Variants in NFIC observed in about 807,000 individuals in gnomAD.
NFIC encodes nuclear factor 1 C-type.
A neutral mutation model predicts 54.4 loss-of-function variants in NFIC; 12 were observed. That is an observed-to-expected ratio of 0.22 (90% CI 0.14 to 0.36). NFIC has a LOEUF of 0.36. NFIC is among the 10% of genes least tolerant of loss of function. The probability of loss-of-function intolerance (pLI) is 1.00; values close to 1 mark genes in which losing one functional copy is unlikely to be tolerated. For missense variants in NFIC, 575 were observed against 718.2 expected (o/e 0.80, Z 2.28); for synonymous variants, 322 against 319.2 (o/e 1.01, Z -0.09).
Position 3,429,251 on chromosome 19 carries a change from T to TACACACAC in NFIC, c.634+4075_634+4076insCACACACA, listed in dbSNP as rs1223236383. 1.7e-3 allele frequency among the ~76,000 whole-genome samples: 47 copies of TACACACAC among 27,586 alleles called. 1 individual carries two copies. The highest frequency in any genetic ancestry group is 2.1e-3 in the Non-Finnish European group (30 of 14,366). The allele number at this position is 27,586 out of a possible 152,430, so 18.1% of individuals were successfully genotyped here. A position where few individuals can be genotyped will look rare whatever the true frequency, so the allele number is the denominator to read the frequency against. On this transcript the variant is annotated intron_variant, in intron 3 of 10. Coordinates refer to ENST00000443272, the MANE Select transcript of NFIC (RefSeq NM_001245002.2). Reference sequence around the variant, plus strand: ...TACCCCAAAAAAAAAAAAAAAAATATATACACACACACACACACACACACA... The same window carrying TACACACAC: ...TACCCCAAAAAAAAAAAAAAAAATATACACACACATACACACACACACACACACACACA...
intron 1 of NFIC, chr19:3,371,291 G>A (rs1051254997): frequency 6.6e-6 from 1 of 151,548 alleles, no homozygotes; most frequent in Non-Finnish European, 1.5e-5. Flanking sequence ...CACTTCCTCA[G>A]GGCTGCTGCA....
chr19:3,438,762 G>A (rs1021253302), intron 6 of NFIC, among the ~76,000 whole-genome samples: 1 of 152,146 alleles, frequency 6.6e-6, no homozygotes, highest in African/African-American at 2.4e-5. Flanking sequence ...CATCCTCAGT[G>A]TAAAGCCCTC....
At chr19:3,456,780 C>T (rs989462438) in intron 10 of NFIC, 145 bp downstream of exon 10, 12 of 792,854 alleles carry the variant, frequency 1.5e-5, no homozygotes, top group Admixed American at 7.0e-5. Context: ...ACCTGGGCCT[C>T]GAGCCCCCAC....
At chr19:3,398,243 T>A (rs1273170563) in intron 2 of NFIC, among the ~76,000 whole-genome samples, 1 of 152,074 alleles carries the variant, frequency 6.6e-6, no homozygotes, top group Non-Finnish European at 1.5e-5. Flanking sequence ...TACGCAAGGA[T>A]TGAGTCGGTT....
At chr19:3,372,804 C>A (rs890539105) in intron 1 of NFIC, among the ~76,000 whole-genome samples, 1 of 151,640 alleles carries the variant, frequency 6.6e-6, no homozygotes, top group Non-Finnish European at 1.5e-5. Context: ...TCAGTCTCCT[C>A]CTCGAGGTAG....
intron 9 of NFIC, 85 bp downstream of exon 9, chr19:3,454,001 G>A: frequency 7.0e-7 from 1 of 1,421,332 alleles, no homozygotes; most frequent in Non-Finnish European, 9.1e-7. Flanking sequence ...CCAGGTCAGA[G>A]GTCAGGCCCG....
intron 2 of NFIC, among the ~76,000 whole-genome samples, chr19:3,387,209 G>A (rs2145491642): frequency 6.6e-6 from 1 of 152,326 alleles, no homozygotes; most frequent in South Asian, 2.1e-4. Flanking sequence ...AACGTCACAA[G>A]TGAGAGAGGA....
intron 2 of NFIC, among the ~76,000 whole-genome samples, chr19:3,414,956 C>T (rs1297230450): frequency 1.3e-5 from 2 of 152,084 alleles, no homozygotes; most frequent in African/African-American, 4.8e-5. Flanking sequence ...TCTCCTGCCT[C>T]AACCTCCCAA....
chr19:3,409,024 G>C (rs1166683849), intron 2 of NFIC, among the ~76,000 whole-genome samples: 1 of 152,084 alleles, frequency 6.6e-6, no homozygotes, highest in Non-Finnish European at 1.5e-5. Context: ...GAGCCACTGT[G>C]CCCGGCCCAG....
rs954003876 is a variant in NFIC, at chr19:3,466,778, C to T, written c.*4009C>T. The stretch of plus-strand genomic sequence containing the variant: ...TTGGGACCATCGCGTCCCTGCACAG[C>T]CCACACCCGGGGGCCCAGAGTCCTG... On this transcript the variant is annotated 3_prime_UTR_variant, in exon 11 of 11. Coordinates refer to ENST00000443272, the MANE Select transcript of NFIC (RefSeq NM_001245002.2). The surrounding 1 kb of genome is among the most constrained non-coding windows in gnomAD (Gnocchi z 4.8). 5.9e-5 allele frequency: 9 copies of T among 152,188 alleles called. No homozygotes were observed. Among genetic ancestry groups the T allele is most frequent in the Admixed American group, 5.9e-4 (9 of 15,280 alleles). The allele number at this position is 152,188 out of a possible 1,614,324, so 9.4% of individuals were successfully genotyped here.
At chr19:3,454,205 C>T in intron 9 of NFIC, 3 of 1,229,102 alleles carry the variant, frequency 2.4e-6, no homozygotes, top group Non-Finnish European at 3.0e-6. Context: ...CGTCAGAAAC[C>T]CTCCCTGGTA....
chr19:3,463,287 CCGGACA>C lies in NFIC; in HGVS notation c.*524_*529del. On this transcript the variant is annotated 3_prime_UTR_variant, in exon 11 of 11. Coordinates refer to ENST00000443272, the MANE Select transcript of NFIC (RefSeq NM_001245002.2). The stretch of plus-strand genomic sequence containing the variant: ...CTCTCCCCGGGCCCCCGCGCCTCTG[CCGGACA>C]CGGACCGGCCCCTCAGCCCCCACCG... The C allele has an allele frequency of 1.0e-6, 1 of 989,506 alleles. No individual in the cohort carries two copies. Among genetic ancestry groups the C allele is most frequent in the South Asian group, 4.6e-5 (1 of 21,634 alleles). 61.3% of individuals were successfully genotyped at this position (989,506 alleles called of 1,614,324 possible). A position where few individuals can be genotyped will look rare whatever the true frequency, so the allele number is the denominator to read the frequency against.
At chr19:3,363,766 A>G (rs1411149700), upstream of NFIC, among the ~76,000 whole-genome samples, 1 of 152,236 alleles carries the variant, frequency 6.6e-6, no homozygotes, top group African/African-American at 2.4e-5. Context: ...GTCTAAGGAC[A>G]TTTGTGGTTG....
chr19:3,363,545 T>C (rs1378909916), upstream of NFIC, among the ~76,000 whole-genome samples: 10 of 151,640 alleles, frequency 6.6e-5, no homozygotes, highest in Admixed American at 2.0e-4. Context: ...GTGTTGGGAT[T>C]ACAGGCGTGA....
chr19:3,378,617 C>A (rs948853422), intron 1 of NFIC, among the ~76,000 whole-genome samples: 12 of 152,216 alleles, frequency 7.9e-5, no homozygotes, highest in African/African-American at 2.9e-4. Flanking sequence ...GTTTCCTCAT[C>A]TGTAGCATGG....
chr19:3,461,493 TG>T (rs992267594), intron 10 of NFIC, among the ~76,000 whole-genome samples: 8 of 137,160 alleles, frequency 5.8e-5, no homozygotes, highest in African/African-American at 2.2e-4. Flanking sequence ...GAGGCCAAGG[TG>T]GGCGGATCAC....
At chr19:3,362,141 G>C (rs1250660370), upstream of NFIC, among the ~76,000 whole-genome samples, 6 of 152,202 alleles carry the variant, frequency 3.9e-5, no homozygotes, top group East Asian at 1.2e-3. Context: ...GGGAGGTGGC[G>C]TGCTGTGTGT....
At position 3,459,711 on chromosome 19, in the gene NFIC, C is replaced by A. The variant is rs115626164; in HGVS notation, c.1510-3041C>A. On this transcript the variant is annotated intron_variant, in intron 10 of 10. Coordinates refer to ENST00000443272, the MANE Select transcript of NFIC (RefSeq NM_001245002.2). The surrounding 1 kb of genome is among the most constrained non-coding windows in gnomAD (Gnocchi z 4.2). ...AAGGGCTGAGGGGAGGCTGGTCCAC[C>A]ACGGGGAGGGTCACGCCCAGAGTCT... Among the ~76,000 whole-genome samples the A allele has an allele frequency of 2.8e-3, 424 of 152,310 alleles. 1 individual carries two copies. The highest frequency in any genetic ancestry group is 9.7e-3 in the African/African-American group (402 of 41,564).
At chr19:3,403,655 C>T (rs2081592021) in intron 2 of NFIC, among the ~76,000 whole-genome samples, 1 of 152,246 alleles carries the variant, frequency 6.6e-6, no homozygotes, top group African/African-American at 2.4e-5. Context: ...TGCGGAGAGC[C>T]CTCCCCTGGG....
Sources: gnomAD v4.1 joint callset for allele counts (sites outside exome capture counted in the v4.1 genomes callset) on GRCh38, gnomAD v4.1.1 for gene constraint, Gnocchi (gnomAD v3.1) non-coding constraint, MANE v1.5 for transcripts, NCBI Gene and HGNC (gene_info 2026-07-23, HGNC 2026-07-21) for gene names.